The following KLKB1 variants were observed in gnomAD, a reference collection of about 807,000 sequenced individuals.
The protein encoded by KLKB1 is kallikrein B1.
KLKB1 carries 58 observed loss-of-function variants against 73.6 expected under a neutral mutation model. The ratio of observed to expected loss-of-function variants is 0.79; its 90% CI spans 0.64 to 0.98. The LOEUF is 0.98. KLKB1 is among the 50% of genes least tolerant of loss of function. The pLI is 0.00. For synonymous variants in KLKB1, 280 were observed against 258.1 expected (o/e 1.08, Z -0.81); for missense variants, 737 against 763.8 (o/e 0.96, Z 0.41).
At chr4:186,255,457 G>A (rs1423031431) in intron 12 of KLKB1, among the ~76,000 whole-genome samples, 2 of 152,278 alleles carry the variant, frequency 1.3e-5, no homozygotes, top group East Asian at 3.9e-4. Context: ...GTCCCAGCTA[G>A]TCAAGAGGCT....
At chr4:186,239,642 G>A (rs1203166619) in intron 6 of KLKB1, among the ~76,000 whole-genome samples, 1 of 142,658 alleles carries the variant, frequency 7.0e-6, no homozygotes, top group South Asian at 2.5e-4. Context: ...TAGAGTTATA[G>A]GTACAGTGAT....
Position 186,238,341 on chromosome 4 carries a change from A to G in KLKB1, c.574A>G (p.Lys192Glu). Residue 192 changes from lysine (K) to glutamate (E), a missense_variant, in exon 6 of 15, where the codon AAG becomes GAG. Transcript: ENST00000264690. Reference sequence around the variant, plus strand: ...TAACGTGGAATCTGGATTCTCACTGAAGCCCTGTGCCCTTTCAGAAATTGG... The same window carrying G: ...TAACGTGGAATCTGGATTCTCACTGGAGCCCTGTGCCCTTTCAGAAATTGG... ...LSNVESGFSL[K>E]PCALSEIGCH... 1 of 1,613,376 alleles carries G rather than the reference A, an allele frequency of 6.2e-7. No individual in the cohort carries two copies. Among genetic ancestry groups the G allele is most frequent in the Non-Finnish European group, 8.5e-7 (1 of 1,179,352 alleles).
At position 186,251,776 on chromosome 4, in the gene KLKB1, GGAT is replaced by G. The variant is rs1738690566; in HGVS notation, c.1061_1063del (p.Asp354del). On this transcript the variant is annotated inframe_deletion, in exon 10 of 15. Transcript: ENST00000264690. ...GTAAGTGTTTCTTAAGATTATCTAT[GGAT>G]GGTTCTCCAACTAGGATTGCGTATG... The G allele has an allele frequency of 6.2e-7, 1 of 1,613,712 alleles. No individual in the cohort carries two copies. Among genetic ancestry groups the G allele is most frequent in the Non-Finnish European group, 8.5e-7 (1 of 1,179,790 alleles).
chr4:186,250,907 G>C, intron 7 of KLKB1: 1 of 387,814 alleles, frequency 2.6e-6, no homozygotes. Context: ...TAATATCATC[G>C]GCAGCATAAA....
chr4:186,241,662 A>C (rs1254895703), intron 6 of KLKB1, among the ~76,000 whole-genome samples: 1 of 152,218 alleles, frequency 6.6e-6, no homozygotes, highest in African/African-American at 2.4e-5. Context: ...TTTTCAAGCC[A>C]AAAGGAGGAA....
intron 2 of KLKB1, among the ~76,000 whole-genome samples, chr4:186,216,465 G>A (rs924672657): frequency 2.0e-5 from 3 of 152,162 alleles, no homozygotes; most frequent in African/African-American, 4.8e-5. Flanking sequence ...AGGTGGAAGA[G>A]ATGGAAGGTG....
intron 6 of KLKB1, 72 bp downstream of exon 6, chr4:186,238,437 G>C: frequency 8.8e-6 from 9 of 1,019,782 alleles, no homozygotes; most frequent in Non-Finnish European, 1.4e-5. Context: ...TCCCTGTGCT[G>C]AGCCCTGGGA....
At chr4:186,254,359 A>G (rs1738867486) in intron 11 of KLKB1, among the ~76,000 whole-genome samples, 1 of 152,256 alleles carries the variant, frequency 6.6e-6, no homozygotes, top group African/African-American at 2.4e-5. Flanking sequence ...TGCAGTAAGC[A>G]TGATGCAATT....
intron 12 of KLKB1, among the ~76,000 whole-genome samples, chr4:186,255,593 T>C (rs1424901147): frequency 6.6e-6 from 1 of 152,162 alleles, no homozygotes; most frequent in Non-Finnish European, 1.5e-5. Flanking sequence ...TTAATTTCCT[T>C]ATCTGTAAAA....
In KLKB1 at chr4:186,252,167, C is replaced by T; in HGVS notation, c.1295C>T (p.Ala432Val). Reference sequence around the variant, plus strand: ...ATAGGACACCAGTGGGTCCTCACTGCTGCCCACTGCTTTGATGGGTAAGTG... The same window carrying T: ...ATAGGACACCAGTGGGTCCTCACTGTTGCCCACTGCTTTGATGGGTAAGTG... Reference protein sequence around the residue: ...SLIGHQWVLTAAHCFDGLPLQ... With the variant: ...SLIGHQWVLTVAHCFDGLPLQ... The change falls in exon 11 of 15, where the codon GCT (alanine) becomes GTT (valine). Residue 432 changes from alanine to valine, a missense_variant. Transcript: ENST00000264690. 15 of 1,613,808 alleles carry T rather than the reference C, an allele frequency of 9.3e-6. No homozygotes were observed. The highest frequency in any genetic ancestry group is 1.3e-5 in the Non-Finnish European group (15 of 1,180,002).
chr4:186,248,477 C>T (rs563503151), intron 6 of KLKB1, among the ~76,000 whole-genome samples: 5 of 151,712 alleles, frequency 3.3e-5, no homozygotes, highest in Admixed American at 6.6e-5. Context: ...AAGGCTCATT[C>T]GTATTCTAGC....
At chr4:186,232,429 C>T (rs1174704597) in intron 3 of KLKB1, 140 bp downstream of exon 3, 6 of 768,048 alleles carry the variant, frequency 7.8e-6, no homozygotes, top group Non-Finnish European at 1.3e-5. Context: ...TCAAGTGGTT[C>T]TTACAAATGC....
In KLKB1 at chr4:186,237,181, C is replaced by T. The variant is rs1006318926; in HGVS notation, c.488+241C>T. Among the ~76,000 whole-genome samples, 9 of 152,314 alleles carry T rather than the reference C, an allele frequency of 5.9e-5. No homozygotes were observed. The East Asian group carries it at 1.7e-3, about 29-fold the overall frequency. ...TGGCGTAATCTCGACTCACTACAAC[C>T]TCCGCTTCCCGGGTTCAAGCGATTC... On this transcript the variant is annotated intron_variant, in intron 5 of 14. Coordinates refer to ENST00000264690, the MANE Select transcript of KLKB1 (RefSeq NM_000892.5).
intron 11 of KLKB1, 54 bp downstream of exon 11, chr4:186,252,239 G>C (rs1223888992): frequency 8.3e-6 from 13 of 1,564,454 alleles, no homozygotes; most frequent in African/African-American, 1.4e-5. Flanking sequence ...TCATTTTGAA[G>C]GATCTATGAT....
upstream of KLKB1, among the ~76,000 whole-genome samples, chr4:186,225,487 A>G (rs1737136915): frequency 7.9e-6 from 1 of 126,158 alleles, no homozygotes; most frequent in Non-Finnish European, 1.6e-5. Flanking sequence ...TGCAGTGTGC[A>G]GTGGCGCAAT....
intron 2 of KLKB1, among the ~76,000 whole-genome samples, chr4:186,231,308 AT>A (rs1221618195): frequency 9.8e-5 from 15 of 152,358 alleles, no homozygotes; most frequent in African/African-American, 3.6e-4. Flanking sequence ...TATTAACCAG[AT>A]TTCAAAGACA....
At chr4:186,241,694 G>T (rs1324482217) in intron 6 of KLKB1, among the ~76,000 whole-genome samples, 1 of 152,068 alleles carries the variant, frequency 6.6e-6, no homozygotes, top group Non-Finnish European at 1.5e-5. Flanking sequence ...GAAAAAAAAG[G>T]TTTTTTTATT....
intron 6 of KLKB1, among the ~76,000 whole-genome samples, chr4:186,243,198 G>A (rs1266166967): frequency 6.6e-6 from 1 of 152,164 alleles, no homozygotes; most frequent in African/African-American, 2.4e-5. Flanking sequence ...GAGTGGAGTA[G>A]CAGATGGAAC....
At chr4:186,254,886 A>T in intron 12 of KLKB1, 123 bp downstream of exon 12, 1 of 816,688 alleles carries the variant, frequency 1.2e-6, no homozygotes, top group Non-Finnish European at 2.0e-6. Flanking sequence ...GAGTTGAGGG[A>T]AACGTGAGGG....
Sources: gnomAD v4.1 joint callset for allele counts (sites outside exome capture counted in the v4.1 genomes callset) on GRCh38, gnomAD v4.1.1 for gene constraint, MANE v1.5 for transcripts, NCBI Gene and HGNC (gene_info 2026-07-23, HGNC 2026-07-21) for gene names.